SEMA6A: variants seen among roughly 807,000 people sequenced by gnomAD.
SEMA6A encodes semaphorin 6A.
A neutral mutation model predicts 96.8 loss-of-function variants in SEMA6A; 25 were observed. That is an observed-to-expected ratio of 0.26 (90% CI 0.19 to 0.36). SEMA6A has a LOEUF of 0.36. SEMA6A is among the 10% of genes least tolerant of loss of function. The pLI is 1.00. For missense variants in SEMA6A, 1,363 were observed against 1,323.1 expected (o/e 1.03, Z -0.47); for synonymous variants, 612 against 518.0 (o/e 1.18, Z -2.46).
intron 1 of SEMA6A, among the ~76,000 whole-genome samples, chr5:116,543,194 C>T (rs1760048704): frequency 6.6e-6 from 1 of 152,196 alleles, no homozygotes; most frequent in African/African-American, 2.4e-5. Context: ...TAACTTTCTA[C>T]TTCACAACTA....
chr5:116,505,329 A>G (rs1177047592), intron 1 of SEMA6A, among the ~76,000 whole-genome samples: 2 of 152,280 alleles, frequency 1.3e-5, no homozygotes, highest in East Asian at 3.9e-4. Flanking sequence ...ATTGAAAAAT[A>G]GGAGATTTCT....
intron 1 of SEMA6A, among the ~76,000 whole-genome samples, chr5:116,572,744 C>T (rs1761274610): frequency 6.6e-6 from 1 of 152,198 alleles, no homozygotes; most frequent in African/African-American, 2.4e-5. Context: ...GTTCCACTCT[C>T]CAAAGGGCCG....
At chr5:116,461,650 CTG>C (rs1489691597) in intron 18 of SEMA6A, among the ~76,000 whole-genome samples, 1 of 152,164 alleles carries the variant, frequency 6.6e-6, no homozygotes, top group Non-Finnish European at 1.5e-5. Flanking sequence ...AGCTGAAAAA[CTG>C]TTTCACAGTT....
At chr5:116,461,205 T>G (rs1265714760) in intron 18 of SEMA6A, among the ~76,000 whole-genome samples, 1 of 151,822 alleles carries the variant, frequency 6.6e-6, no homozygotes, top group Non-Finnish European at 1.5e-5. Context: ...TTCAAAAGAG[T>G]TTTTGGAACC....
intron 1 of SEMA6A, among the ~76,000 whole-genome samples, chr5:116,527,061 T>C (rs1759259899): frequency 6.6e-6 from 1 of 152,148 alleles, no homozygotes. Context: ...TATTCAATTA[T>C]ATGGACAATG....
intron 7 of SEMA6A, 29 bp downstream of exon 7, chr5:116,491,711 G>A (rs154600): frequency 0.8 from 1,257,032 of 1,577,286 alleles, 501,920 homozygotes; most frequent in African/African-American, 0.89. Flanking sequence ...GCAAAAGCAA[G>A]TGCAACGAGG....
At chr5:116,478,176 A>C (rs556530420) in intron 13 of SEMA6A, 22 bp from the exon 14 acceptor site, 4 of 1,612,638 alleles carry the variant, frequency 2.5e-6, no homozygotes, top group South Asian at 1.1e-5. Flanking sequence ...AGGCAAGATA[A>C]TATCATTAAT....
chr5:116,523,727 G>A (rs1301846547), intron 1 of SEMA6A, among the ~76,000 whole-genome samples: 1 of 152,172 alleles, frequency 6.6e-6, no homozygotes, highest in East Asian at 1.9e-4. Flanking sequence ...AATTAAAGAT[G>A]TCTGTGTTCC....
chr5:116,488,214 C>CT lies in SEMA6A; in HGVS notation c.656-19dup, dbSNP rs755205451. 2 of 1,518,964 alleles carry CT rather than the reference C, an allele frequency of 1.3e-6. No homozygotes were observed. The highest frequency in any genetic ancestry group is 1.7e-5 in the Admixed American group (1 of 58,022). The allele number at this position is 1,518,964 out of a possible 1,614,324, so 94.1% of individuals were successfully genotyped here. A position where few individuals can be genotyped will look rare whatever the true frequency, so the allele number is the denominator to read the frequency against. On this transcript the variant is annotated intron_variant, in intron 8 of 18. Coordinates refer to ENST00000343348, the MANE Select transcript of SEMA6A (RefSeq NM_020796.5). ...GTATGGTTCTGTAGACAAACAGGCA[C>CT]TTTAATTGGGAACATGTCAAACAGA... is the stretch of plus-strand genomic sequence containing the variant.
At chr5:116,559,642 T>C (rs1414722856) in intron 1 of SEMA6A, among the ~76,000 whole-genome samples, 1 of 152,236 alleles carries the variant, frequency 6.6e-6, no homozygotes, top group Non-Finnish European at 1.5e-5. Context: ...TTGCTTATTA[T>C]GTGTCACTTA....
At chr5:116,481,595 G>T (rs564095166) in intron 11 of SEMA6A, among the ~76,000 whole-genome samples, 1 of 152,290 alleles carries the variant, frequency 6.6e-6, no homozygotes, top group South Asian at 2.1e-4. Flanking sequence ...AAAAAAATTA[G>T]TAAGACATTG....
intron 1 of SEMA6A, among the ~76,000 whole-genome samples, chr5:116,538,112 T>C (rs1007599830): frequency 1.3e-5 from 2 of 151,964 alleles, no homozygotes; most frequent in African/African-American, 2.4e-5. Context: ...GAGGCGGAGG[T>C]TGCAGTAAGC....
At position 116,445,098 on chromosome 5, in the gene SEMA6A, G is replaced by A. The variant is rs1047494620; in HGVS notation, c.*1515C>T. The stretch of plus-strand genomic sequence containing the variant: ...CAACTAGAAGGCAGTGTGAATTGGA[G>A]GGTGTGGTGCTGCCCAGCGTTCTCA... On this transcript the variant is annotated 3_prime_UTR_variant, in exon 19 of 19. Transcript: ENST00000343348. 3.3e-5 allele frequency: 5 copies of A among 152,724 alleles called. No homozygotes were observed. Among genetic ancestry groups the A allele is most frequent in the African/African-American group, 1.2e-4 (5 of 41,470 alleles). The allele number at this position is 152,724 out of a possible 1,614,324, so 9.5% of individuals were successfully genotyped here.
chr5:116,505,464 C>T (rs556136100), intron 1 of SEMA6A, among the ~76,000 whole-genome samples: 2 of 150,678 alleles, frequency 1.3e-5, no homozygotes, highest in African/African-American at 4.9e-5. Flanking sequence ...CACGCGCACA[C>T]ACACACACAC....
intron 13 of SEMA6A, 187 bp from the exon 14 acceptor site, chr5:116,478,341 C>A: frequency 1.3e-6 from 1 of 758,944 alleles, no homozygotes; most frequent in African/African-American, 1.8e-5. Flanking sequence ...AACACACACA[C>A]ATATATGTAT....
intron 1 of SEMA6A, among the ~76,000 whole-genome samples, chr5:116,535,497 T>C (rs971014209): frequency 6.6e-6 from 1 of 152,126 alleles, no homozygotes; most frequent in Non-Finnish European, 1.5e-5. Flanking sequence ...TCTTTGGAGT[T>C]TGAATGATTA....
At position 116,574,718 on chromosome 5, in the gene SEMA6A, G is replaced by C. The variant is rs965299381; in HGVS notation, c.-572C>G. 6.6e-6 allele frequency: 1 copy of C among 152,332 alleles called. No homozygotes were observed. The highest frequency in any genetic ancestry group is 1.5e-5 in the Non-Finnish European group (1 of 68,120). 9.4% of individuals were successfully genotyped at this position (152,332 alleles called of 1,614,324 possible). On this transcript the variant is annotated 5_prime_UTR_variant, in exon 1 of 19. Transcript: ENST00000343348. ...TGCTAAGCGGGCATCGCGGGCGACC[G>C]GCACCGCGGAGGAGCGCCGCTGCTG... is the stretch of plus-strand genomic sequence containing the variant.
At position 116,446,117 on chromosome 5, in the gene SEMA6A, T is replaced by C. The variant is rs1251851791; in HGVS notation, c.*496A>G. 1 of 152,916 alleles carries C rather than the reference T, an allele frequency of 6.5e-6. No homozygotes were observed. Among genetic ancestry groups the C allele is most frequent in the Non-Finnish European group, 1.5e-5 (1 of 68,494 alleles). 9.5% of individuals were successfully genotyped at this position (152,916 alleles called of 1,614,324 possible). On this transcript the variant is annotated 3_prime_UTR_variant, in exon 19 of 19. Coordinates refer to ENST00000343348, the MANE Select transcript of SEMA6A (RefSeq NM_020796.5). ...TTATCAATGAATTCTTTTTTTTTTG[T>C]CTTTTTAAATTTTCTTGATTTTAAA...
At chr5:116,573,148 G>C (rs529286150) in intron 1 of SEMA6A, among the ~76,000 whole-genome samples, 2 of 152,200 alleles carry the variant, frequency 1.3e-5, no homozygotes, top group African/African-American at 4.8e-5. Context: ...GCCCCAGAAG[G>C]ATCAGGCAGG....
Sources: gnomAD v4.1 joint callset for allele counts (sites outside exome capture counted in the v4.1 genomes callset) on GRCh38, gnomAD v4.1.1 for gene constraint, MANE v1.5 for transcripts, NCBI Gene and HGNC (gene_info 2026-07-23, HGNC 2026-07-21) for gene names.